Variants in GLB1 observed in about 807,000 individuals in gnomAD.
GLB1 encodes galactosidase beta 1, also known as beta-galactosidase.
Under a neutral mutation model 74.0 loss-of-function variants are expected in GLB1, and 56 were observed. The observed-to-expected ratio is 0.76, with a 90% CI of 0.61 to 0.94. GLB1 has a LOEUF of 0.94. Among genes scored for constraint, GLB1 ranks in the 40% least tolerant of loss-of-function variants. The pLI, the probability that GLB1 is intolerant of heterozygous loss-of-function variation, is 0.00. For missense variants in GLB1, 787 were observed against 845.5 expected, an observed-to-expected ratio of 0.93 and a Z score of 0.86; for synonymous variants, 323 against 323.6, an observed-to-expected ratio of 1.00 and a Z score of 0.02.
chr3:32,994,064 C>T (rs1288872270), downstream of GLB1, among the ~76,000 whole-genome samples: 1 of 152,204 alleles, frequency 6.6e-6, no homozygotes, highest in African/African-American at 2.4e-5. Flanking sequence ...TAAACAATCC[C>T]TCTCATGGGT....
chr3:32,964,844 G>A, the GLB1 span, among the ~76,000 whole-genome samples: 1 of 152,204 alleles, frequency 6.6e-6, no homozygotes, highest in African/African-American at 2.4e-5. Flanking sequence ...TCATGGGAGG[G>A]ACCCAGTGGG....
chr3:32,985,662 C>T, the GLB1 span, among the ~76,000 whole-genome samples: 9,324 of 151,848 alleles, frequency 0.061, 297 homozygotes, highest in East Asian at 0.11. Context: ...AGTATTGATG[C>T]GTCTTCTTGA....
At chr3:33,047,747 A>T (rs924352975) in intron 9 of GLB1, among the ~76,000 whole-genome samples, 1 of 152,208 alleles carries the variant, frequency 6.6e-6, no homozygotes, top group African/African-American at 2.4e-5. Flanking sequence ...TGAGGATCAG[A>T]TCAAGCAGGT....
chr3:32,989,857 G>C, the GLB1 span, among the ~76,000 whole-genome samples: 3 of 152,160 alleles, frequency 2.0e-5, no homozygotes, highest in Admixed American at 1.3e-4. Context: ...AAACTGAGCT[G>C]CATGCCACCC....
At position 32,996,844 on chromosome 3, in the gene GLB1, G is replaced by T; in HGVS notation, c.*201C>A. On this transcript the variant is annotated 3_prime_UTR_variant, in exon 16 of 16. Transcript: ENST00000307363. ...TGCAGATATGTATGCACGTTACTGT[G>T]CTGTCAGCCCCTCACACATTCCAGG... The T allele has an allele frequency of 1.2e-6, 1 of 839,412 alleles. No individual in the cohort carries two copies. 52.0% of individuals were successfully genotyped at this position (839,412 alleles called of 1,614,324 possible). A position where few individuals can be genotyped will look rare whatever the true frequency, so the allele number is the denominator to read the frequency against.
At chr3:33,010,915 G>A (rs1376985050) in intron 15 of GLB1, among the ~76,000 whole-genome samples, 7 of 152,164 alleles carry the variant, frequency 4.6e-5, no homozygotes, top group Admixed American at 4.6e-4. Context: ...GGAGTGCAGT[G>A]GCATGCTCTT....
Position 33,069,164 on chromosome 3 carries a change from T to C in GLB1, c.246-194A>G, listed in dbSNP as rs7610916. 0.98 allele frequency among the ~76,000 whole-genome samples: 148,607 copies of C among 152,166 alleles called. 72,660 individuals carry two copies. The highest frequency in any genetic ancestry group is 1 in the Middle Eastern group (294 of 294). ...CAGCACTCTGGGAAGTCACGGTGGGTGGATGGCTTGAGCCCAGGAGTTTGA... is the reference window on the plus strand; with the variant it reads ...CAGCACTCTGGGAAGTCACGGTGGGCGGATGGCTTGAGCCCAGGAGTTTGA... On this transcript the variant is annotated intron_variant, in intron 2 of 15. Transcript: ENST00000307363.
Position 33,093,788 on chromosome 3 carries a change from G to A in GLB1, c.75+3223C>T, listed in dbSNP as rs146447790. On this transcript the variant is annotated intron_variant, in intron 1 of 15. Transcript: ENST00000307363. The surrounding 1 kb of genome is among the most constrained non-coding windows in gnomAD (Gnocchi z 6.0). ...AGAGCTGGTAGGCCTGCTCCATGCC[G>A]CTGAGGATGAAGAGGAAGAAGAGCA... is the stretch of plus-strand genomic sequence containing the variant. The A allele has an allele frequency of 1.4e-5, 22 of 1,613,136 alleles. No individual in the cohort carries two copies. Among genetic ancestry groups the A allele is most frequent in the African/African-American group, 1.1e-4 (8 of 74,904 alleles).
intron 2 of GLB1, among the ~76,000 whole-genome samples, chr3:33,070,217 A>T (rs907510277): frequency 6.6e-6 from 1 of 152,150 alleles, no homozygotes; most frequent in African/African-American, 2.4e-5. Flanking sequence ...TTTCTGACAT[A>T]TGTCCATTAT....
chr3:32,966,155 A>C, the GLB1 span, among the ~76,000 whole-genome samples: 2 of 152,176 alleles, frequency 1.3e-5, no homozygotes, highest in Admixed American at 1.3e-4. Context: ...CTAGAATGGT[A>C]GATCCACCAA....
chr3:33,067,273 G>A (rs1423559791), intron 4 of GLB1, among the ~76,000 whole-genome samples: 1 of 151,992 alleles, frequency 6.6e-6, no homozygotes, highest in Admixed American at 6.6e-5. Flanking sequence ...AAAGTGCTGG[G>A]ATTACAGGCA....
rs2125442981 is a variant in GLB1, at chr3:32,997,340, T to C, written c.1739A>G (p.Gln580Arg). 1 of 1,612,818 alleles carries C rather than the reference T, an allele frequency of 6.2e-7. No homozygotes were observed. Among genetic ancestry groups the C allele is most frequent in the Non-Finnish European group, 8.5e-7 (1 of 1,179,928 alleles). ...FIQFPGWTKG[Q>R]VWINGFNLGR... The stretch of plus-strand genomic sequence containing the variant: ...AAGGTTAAAGCCATTAATCCAGACC[T>C]GGCCCTGGAGAGAGAGAGACAGAGA... Residue 580 changes from glutamine to arginine, a missense_variant, in exon 16 of 16, where the codon CAG (glutamine) becomes CGG (arginine). By Grantham distance (43) the Gln-to-Arg change is conservative. Transcript: ENST00000307363.
In GLB1 at chr3:33,095,210, CAAAAAAAAAAA is replaced by C. The variant is rs71630565; in HGVS notation, c.75+1790_75+1800del. Among the ~76,000 whole-genome samples, 275 of 75,928 alleles carry C rather than the reference CAAAAAAAAAAA, an allele frequency of 3.6e-3. 8 individuals are homozygous for C. The South Asian group carries it at 0.088, about 24-fold the overall frequency. 49.8% of individuals were successfully genotyped at this position (75,928 alleles called of 152,430 possible). ...TGGGCAAAAGAGCGAGACTCTGTCT[CAAAAAAAAAAA>C]AAAAAAAAAAAAAAGGAATATTCTC... On this transcript the variant is annotated intron_variant, in intron 1 of 15. Transcript: ENST00000307363.
chr3:32,981,078 G>A, the GLB1 span, among the ~76,000 whole-genome samples: 16 of 118,908 alleles, frequency 1.3e-4, no homozygotes, highest in Admixed American at 1.2e-3. Flanking sequence ...GCAACAAAGC[G>A]AGACTCCGTC....
the GLB1 span, among the ~76,000 whole-genome samples, chr3:32,974,315 G>A: frequency 5.3e-5 from 8 of 152,084 alleles, no homozygotes; most frequent in Non-Finnish European, 7.4e-5. Context: ...TTCCTGGAGA[G>A]GGGGAGGGAG....
At chr3:33,000,175 G>A (rs1381484366) in intron 15 of GLB1, among the ~76,000 whole-genome samples, 1 of 151,906 alleles carries the variant, frequency 6.6e-6, no homozygotes, top group Non-Finnish European at 1.5e-5. Context: ...CTGGTCTCAA[G>A]TGATCCTCCC....
At chr3:32,983,795 C>T in the GLB1 span, among the ~76,000 whole-genome samples, 1 of 152,112 alleles carries the variant, frequency 6.6e-6, no homozygotes, top group Non-Finnish European at 1.5e-5. Context: ...CCTCCCACCT[C>T]AGCCCCCTGA....
At chr3:33,043,844 G>GAAAAAAAAAAAAAAAAAAA (rs376478014) in intron 10 of GLB1, among the ~76,000 whole-genome samples, 2 of 105,002 alleles carry the variant, frequency 1.9e-5, no homozygotes, top group African/African-American at 7.6e-5. Context: ...ACCAAAAAAA[G>GAAAAAAAAAAAAAAAAAAA]AAAAAAAAAA....
At chr3:33,048,411 A>T (rs533206151) in intron 9 of GLB1, among the ~76,000 whole-genome samples, 103 of 152,276 alleles carry the variant, frequency 6.8e-4, no homozygotes, top group African/African-American at 2.4e-3. Context: ...AAATGGTGAG[A>T]CTTTGCATTC....
Sources: gnomAD v4.1 joint callset for allele counts (sites outside exome capture counted in the v4.1 genomes callset) on GRCh38, gnomAD v4.1.1 for gene constraint, Gnocchi (gnomAD v3.1) non-coding constraint, MANE v1.5 for transcripts, NCBI Gene and HGNC (gene_info 2026-07-23, HGNC 2026-07-21) for gene names.